Variants in NBEA observed in about 807,000 individuals in gnomAD.
NBEA encodes lysosomal-trafficking regulator 2.
In NBEA, 44 loss-of-function variants were observed where a neutral mutation model predicts 343.4. The observed-to-expected ratio is 0.13, with a 90% confidence interval of 0.10 to 0.16. The LOEUF is 0.16. NBEA is among the 10% of genes least tolerant of loss of function. The pLI, the probability that NBEA is intolerant of heterozygous loss-of-function variation, is 1.00. For missense variants in NBEA, 2,555 were observed against 3,631.3 expected (o/e 0.70, Z 7.62); for synonymous variants, 1,175 against 1,238.7 (o/e 0.95, Z 1.08).
chr13:35,159,810 T>C lies in NBEA; in HGVS notation c.3639T>C (p.Thr1213=), dbSNP rs377143502. 1.7e-5 allele frequency: 28 copies of C among 1,611,088 alleles called. No individual in the cohort carries two copies. In the African/African-American group the frequency reaches 3.3e-4, roughly 19 times the overall value. ...IEEKEFKIHT[T]SDGMSSISER... ...AAAAAGAATTCAAAATCCATACAAC[T>C]TCAGATGGAATGAGCAGTATTTCTG... Residue 1213 remains threonine (T), a synonymous_variant, in exon 22 of 59, where the codon ACT becomes ACC. Transcript: ENST00000379939.
chr13:35,582,179 G>A (rs956935032), intron 45 of NBEA, among the ~76,000 whole-genome samples: 10 of 152,124 alleles, frequency 6.6e-5, no homozygotes, highest in Non-Finnish European at 4.4e-5. Context: ...GCAGCTACTC[G>A]GGAGGCTGAG....
At chr13:34,944,602 A>T (rs778491805) in intron 1 of NBEA, among the ~76,000 whole-genome samples, 1 of 152,232 alleles carries the variant, frequency 6.6e-6, no homozygotes, top group African/African-American at 2.4e-5. Flanking sequence ...GAACACTACT[A>T]GAAATACAGT....
chr13:35,582,310 T>A (rs1393476029), intron 45 of NBEA, among the ~76,000 whole-genome samples: 2 of 151,804 alleles, frequency 1.3e-5, no homozygotes, highest in Non-Finnish European at 2.9e-5. Context: ...ATAAATAAAA[T>A]AAAAAAATAA....
At chr13:35,535,721 G>A (rs2078506855) in intron 41 of NBEA, among the ~76,000 whole-genome samples, 1 of 152,094 alleles carries the variant, frequency 6.6e-6, no homozygotes, top group Non-Finnish European at 1.5e-5. Context: ...AAGTGTATTG[G>A]GAAACTTGCC....
chr13:35,422,833 C>A (rs146256506), intron 38 of NBEA, among the ~76,000 whole-genome samples: 2,438 of 152,148 alleles, frequency 0.016, 84 homozygotes, highest in African/African-American at 0.055. Context: ...TTTTAATGAT[C>A]GCCATTCTAA....
At chr13:35,301,044 G>A (rs1230598929) in intron 35 of NBEA, among the ~76,000 whole-genome samples, 1 of 152,082 alleles carries the variant, frequency 6.6e-6, no homozygotes, top group African/African-American at 2.4e-5. Context: ...AACATTTTCT[G>A]AGGAGGAAAA....
In NBEA at chr13:35,366,720, G is replaced by A. The variant is rs143093242; in HGVS notation, c.6179+14397G>A. 1.9e-3 allele frequency among the ~76,000 whole-genome samples: 289 copies of A among 150,734 alleles called. 2 individuals are homozygous for A. The highest frequency in any genetic ancestry group is 0.014 in the East Asian group (73 of 5,150). ...AGGTATTCAGGAAAAAAAAAACTGA[G>A]GAAATTGGAAAACTGAAAAAATAAT... On this transcript the variant is annotated intron_variant, in intron 38 of 58. Coordinates refer to ENST00000379939, the MANE Select transcript of NBEA (RefSeq NM_001385012.1).
chr13:35,474,764 G>A (rs2075788533), intron 41 of NBEA: 1 of 306,996 alleles, frequency 3.3e-6, no homozygotes, highest in Non-Finnish European at 6.0e-6. Flanking sequence ...TCGGTCTGGC[G>A]TTACAGCTGG....
chr13:35,417,404 T>C (rs896462788), intron 38 of NBEA, among the ~76,000 whole-genome samples: 5 of 152,194 alleles, frequency 3.3e-5, no homozygotes, highest in African/African-American at 9.6e-5. Flanking sequence ...CACACCGCTT[T>C]AAATGTGTCC....
rs937005979 is a variant in NBEA, at chr13:35,177,081, G to A, written c.4640G>A (p.Arg1547His). 7 of 1,601,284 alleles carry A rather than the reference G, an allele frequency of 4.4e-6. No individual in the cohort carries two copies. Among genetic ancestry groups the A allele is most frequent in the East Asian group, 2.3e-5 (1 of 44,300 alleles). Residue 1547 changes from arginine (R) to histidine (H), a missense_variant, in exon 28 of 59, where the codon CGT (arginine) becomes CAT (histidine). This residue lies in a region of NBEA where 168 missense variants were observed against 193.0 expected (regional missense o/e 0.87). Coordinates refer to ENST00000379939, the MANE Select transcript of NBEA (RefSeq NM_001385012.1). Reference sequence around the variant, plus strand: ...CAGGATGTTGATATCAATCGCCTTCGTGCTGTTGTCTTTCGGGATGTGGTA... The same window carrying A: ...CAGGATGTTGATATCAATCGCCTTCATGCTGTTGTCTTTCGGGATGTGGTA... Reference protein sequence around the residue: ...LLQDVDINRLRAVVFRDVDDS... With the variant: ...LLQDVDINRLHAVVFRDVDDS...
chr13:35,666,322 A>G (rs1362601309), intron 56 of NBEA, among the ~76,000 whole-genome samples: 1 of 152,052 alleles, frequency 6.6e-6, no homozygotes, highest in Non-Finnish European at 1.5e-5. Flanking sequence ...CTAAGAATAA[A>G]TAACCCAGAA....
At chr13:35,420,435 A>AT (rs1390933789) in intron 38 of NBEA, among the ~76,000 whole-genome samples, 1 of 151,566 alleles carries the variant, frequency 6.6e-6, no homozygotes, top group Non-Finnish European at 1.5e-5. Context: ...ATTCTTAAGG[A>AT]TTTTTTTGTC....
intron 1 of NBEA, among the ~76,000 whole-genome samples, chr13:34,996,454 A>T (rs967801969): frequency 6.8e-6 from 1 of 146,286 alleles, no homozygotes; most frequent in Admixed American, 6.9e-5. Flanking sequence ...TGGGCTTTTC[A>T]CCTCTGCGTT....
At chr13:35,619,042 T>G (rs1593383343) in intron 48 of NBEA, among the ~76,000 whole-genome samples, 2 of 151,710 alleles carry the variant, frequency 1.3e-5, no homozygotes, top group South Asian at 2.1e-4. Flanking sequence ...AGAAAATGTT[T>G]CCTTTTTAAG....
chr13:35,269,650 A>C (rs532083273), intron 34 of NBEA, among the ~76,000 whole-genome samples: 1 of 152,306 alleles, frequency 6.6e-6, no homozygotes, highest in African/African-American at 2.4e-5. Context: ...CTGAGTAAAC[A>C]GACCATTCGT....
chr13:35,609,591 T>C (rs1055773331), intron 48 of NBEA, among the ~76,000 whole-genome samples: 5 of 152,166 alleles, frequency 3.3e-5, no homozygotes, highest in Admixed American at 1.3e-4. Flanking sequence ...GCATTTGGCG[T>C]TAGCATTTTT....
At chr13:35,475,596 C>A in intron 41 of NBEA, 1 of 1,613,690 alleles carries the variant, frequency 6.2e-7, no homozygotes, top group South Asian at 1.1e-5. Context: ...CAGCACTCCT[C>A]GGCCAGATCC....
At chr13:35,601,761 C>CAAA (rs869213180) in intron 47 of NBEA, among the ~76,000 whole-genome samples, 12 of 114,924 alleles carry the variant, frequency 1.0e-4, no homozygotes, top group African/African-American at 2.6e-4. Flanking sequence ...GACTCCATCG[C>CAAA]AAAAAAAAAA....
chr13:35,095,862 A>G (rs1019240486), intron 10 of NBEA, among the ~76,000 whole-genome samples: 5 of 151,974 alleles, frequency 3.3e-5, no homozygotes, highest in African/African-American at 1.2e-4. Context: ...TGACACAGAT[A>G]CTTGCTTTTT....
Sources: gnomAD v4.1 joint callset for allele counts (sites outside exome capture counted in the v4.1 genomes callset) on GRCh38, gnomAD v4.1.1 for gene constraint, gnomAD v4.1.1 regional missense constraint, MANE v1.5 for transcripts, NCBI Gene and HGNC (gene_info 2026-07-23, HGNC 2026-07-21) for gene names.